GRAMD1B: variants seen among roughly 807,000 people sequenced by gnomAD.
The protein encoded by GRAMD1B is protein Aster-B.
GRAMD1B carries 37 observed loss-of-function variants against 99.7 expected under a neutral mutation model. That is an observed-to-expected ratio of 0.37 (90% CI 0.29 to 0.49). The LOEUF is 0.49. GRAMD1B is among the 20% of genes least tolerant of loss of function. The pLI is 0.98. For synonymous variants in GRAMD1B, 427 were observed against 387.6 expected, an observed-to-expected ratio of 1.10 and a Z score of -1.19; for missense variants, 888 against 1,009.2, an observed-to-expected ratio of 0.88 and a Z score of 1.63.
At chr11:123,440,516 A>G (rs1949357854) in intron 1 of GRAMD1B, among the ~76,000 whole-genome samples, 1 of 152,218 alleles carries the variant, frequency 6.6e-6, no homozygotes. Context: ...CTCAAAAGAA[A>G]AAAAAAGTCA....
intron 1 of GRAMD1B, among the ~76,000 whole-genome samples, chr11:123,383,665 G>A (rs956868864): frequency 2.0e-5 from 3 of 151,684 alleles, no homozygotes; most frequent in Non-Finnish European, 4.4e-5. Context: ...TTAATCTTTT[G>A]CTCTCTAGTG....
intron 2 of GRAMD1B, among the ~76,000 whole-genome samples, chr11:123,542,636 C>T (rs138613547): frequency 6.0e-4 from 91 of 152,262 alleles, no homozygotes; most frequent in African/African-American, 2.1e-3. Context: ...ATGATGCCAG[C>T]AAGTAGGTTT....
At chr11:123,569,507 A>C (rs2136122100) in intron 2 of GRAMD1B, among the ~76,000 whole-genome samples, 2 of 152,328 alleles carry the variant, frequency 1.3e-5, no homozygotes, top group East Asian at 3.9e-4. Context: ...AACCATCTTC[A>C]TGGAGTCCTC....
chr11:123,581,797 C>T (rs1046071933), intron 3 of GRAMD1B, among the ~76,000 whole-genome samples: 2 of 152,250 alleles, frequency 1.3e-5, no homozygotes, highest in Admixed American at 1.3e-4. Flanking sequence ...ACTGGCTTCC[C>T]TGCCTGAGGC....
chr11:123,561,475 C>T (rs1019089782), intron 2 of GRAMD1B, among the ~76,000 whole-genome samples: 4 of 152,346 alleles, frequency 2.6e-5, no homozygotes, highest in Admixed American at 6.5e-5. Context: ...CAGCATTTGG[C>T]GCAGAGATTT....
At chr11:123,461,765 C>T (rs1444291823) in intron 1 of GRAMD1B, among the ~76,000 whole-genome samples, 1 of 151,310 alleles carries the variant, frequency 6.6e-6, no homozygotes. Flanking sequence ...CCACCACACT[C>T]GGCTAATTTT....
intron 2 of GRAMD1B, among the ~76,000 whole-genome samples, chr11:123,501,909 A>C (rs1041464816): frequency 1.3e-5 from 2 of 152,178 alleles, no homozygotes; most frequent in African/African-American, 4.8e-5. Context: ...TGCTTTCTTT[A>C]GTTTCACTCT....
chr11:123,600,338 A>T, intron 7 of GRAMD1B, 130 bp from the exon 8 acceptor site: 1 of 608,796 alleles, frequency 1.6e-6, no homozygotes, highest in Non-Finnish European at 2.9e-6. Context: ...GTACGTGATC[A>T]CAGGTAACTG....
At chr11:123,447,199 C>T (rs1172890683) in intron 1 of GRAMD1B, among the ~76,000 whole-genome samples, 2 of 152,298 alleles carry the variant, frequency 1.3e-5, no homozygotes, top group African/African-American at 4.8e-5. Flanking sequence ...TCACCTATTT[C>T]ACTCACACTC....
intron 2 of GRAMD1B, among the ~76,000 whole-genome samples, chr11:123,498,264 A>G (rs1939519372): frequency 6.6e-6 from 1 of 152,196 alleles, no homozygotes; most frequent in African/African-American, 2.4e-5. Context: ...TTCAAGACAG[A>G]GTGCCCTTTA....
rs1445113427 is a variant in GRAMD1B at position 123,626,221 on chromosome 11, A to T, written c.*3626A>T. Reference sequence around the variant, plus strand: ...GTTCTAGCACTTCTCTTTTGTTAAGATAGGGTTTGGATTTAGTATGAAGCT... The same window carrying T: ...GTTCTAGCACTTCTCTTTTGTTAAGTTAGGGTTTGGATTTAGTATGAAGCT... On this transcript the variant is annotated 3_prime_UTR_variant, in exon 20 of 20. Coordinates refer to ENST00000635736, the MANE Select transcript of GRAMD1B (RefSeq NM_001387025.1). The T allele has an allele frequency of 6.6e-6, 1 of 152,126 alleles. No individual in the cohort carries two copies. The highest frequency in any genetic ancestry group is 1.5e-5 in the Non-Finnish European group (1 of 68,048). 9.4% of individuals were successfully genotyped at this position (152,126 alleles called of 1,614,324 possible).
intron 2 of GRAMD1B, among the ~76,000 whole-genome samples, chr11:123,497,443 A>T (rs1023043944): frequency 6.6e-6 from 1 of 152,082 alleles, no homozygotes; most frequent in Non-Finnish European, 1.5e-5. Flanking sequence ...TTCACTCAAG[A>T]TCCTAGGGCT....
intron 4 of GRAMD1B, among the ~76,000 whole-genome samples, chr11:123,589,614 T>TTATA (rs71060517): frequency 0.016 from 2,091 of 128,244 alleles, 38 homozygotes; most frequent in East Asian, 0.025. Flanking sequence ...TGGCTAATTT[T>TTATA]TATATATATA....
At chr11:123,622,439 G>A in intron 19 of GRAMD1B, 67 bp from the exon 20 acceptor site, 1 of 964,862 alleles carries the variant, frequency 1.0e-6, no homozygotes, top group Non-Finnish European at 1.6e-6. Context: ...TGGGGAGAGG[G>A]CTGCTCGGTG....
chr11:123,423,845 T>G (rs926896435), intron 1 of GRAMD1B, among the ~76,000 whole-genome samples: 1 of 152,184 alleles, frequency 6.6e-6, no homozygotes, highest in African/African-American at 2.4e-5. Flanking sequence ...GAAATAGGGC[T>G]TTTGATATTT....
intron 2 of GRAMD1B, among the ~76,000 whole-genome samples, chr11:123,526,473 G>T (rs1025758631): frequency 1.3e-5 from 2 of 152,162 alleles, no homozygotes; most frequent in African/African-American, 4.8e-5. Context: ...GGAGTGGTGC[G>T]CACAGAGGGA....
intron 1 of GRAMD1B, among the ~76,000 whole-genome samples, chr11:123,371,451 G>A (rs1263813963): frequency 1.3e-5 from 2 of 152,124 alleles, no homozygotes; most frequent in Admixed American, 1.3e-4. Flanking sequence ...TAAAGGTTGA[G>A]TTATTTTATG....
chr11:123,386,435 C>CTTTT (rs34243520), intron 1 of GRAMD1B, among the ~76,000 whole-genome samples: 1 of 96,200 alleles, frequency 1.0e-5, no homozygotes. Context: ...TCACAATATA[C>CTTTT]TTTTTTTTTT....
At chr11:123,592,462 T>A (rs947758154) in intron 4 of GRAMD1B, among the ~76,000 whole-genome samples, 10 of 152,210 alleles carry the variant, frequency 6.6e-5, no homozygotes, top group Non-Finnish European at 4.4e-5. Context: ...CAGTGCCACA[T>A]GCACATGGCT....
Sources: allele counts gnomAD v4.1 joint callset (sites outside exome capture counted in the v4.1 genomes callset), GRCh38; gene constraint gnomAD v4.1.1; transcripts MANE v1.5; gene names NCBI Gene and HGNC (gene_info 2026-07-23, HGNC 2026-07-21).